Variants in POLRMT observed in about 807,000 individuals in gnomAD.
POLRMT encodes RNA polymerase mitochondrial.
In POLRMT, 114 loss-of-function variants were observed where a neutral mutation model predicts 132.2. That is an observed-to-expected ratio of 0.86 (90% CI 0.74 to 1.01). The LOEUF is 1.01. Among genes scored for constraint, POLRMT ranks in the 50% least tolerant of loss-of-function variants. The probability of loss-of-function intolerance (pLI) is 0.00; values close to 1 mark genes in which losing one functional copy is unlikely to be tolerated. For missense variants in POLRMT, 2,003 were observed against 1,729.1 expected, an observed-to-expected ratio of 1.16 and a Z score of -2.81; for synonymous variants, 1,020 against 773.4, an observed-to-expected ratio of 1.32 and a Z score of -5.29.
Position 617,341 on chromosome 19 carries a change from CG to C in POLRMT, c.3644-19del. 6.2e-7 allele frequency: 1 copy of C among 1,612,714 alleles called. No homozygotes were observed. Among genetic ancestry groups the C allele is most frequent in the Non-Finnish European group, 8.5e-7 (1 of 1,179,836 alleles). The stretch of plus-strand genomic sequence containing the variant: ...GAAGGCCCCTGCGGAGGAAGCAGAG[CG>C]GACGGCGTGGGTGGCGGGAAAGCCC... On this transcript the variant is annotated intron_variant, in intron 20 of 20. Transcript: ENST00000588649.
chr19:626,940 T>C (rs937158191), intron 3 of POLRMT, among the ~76,000 whole-genome samples: 4 of 150,792 alleles, frequency 2.7e-5, no homozygotes, highest in African/African-American at 9.8e-5. Context: ...TATAATTTTT[T>C]TCTTGTATTC....
At chr19:620,224 G>T in intron 11 of POLRMT, 141 bp downstream of exon 11, 1 of 1,449,306 alleles carries the variant, frequency 6.9e-7, no homozygotes, top group South Asian at 1.4e-5. Flanking sequence ...TCCCGGGAGA[G>T]ACCAGGAGCC....
chr19:625,377 G>C (rs1600582036), intron 3 of POLRMT, 123 bp from the exon 4 acceptor site: 1 of 1,364,650 alleles, frequency 7.3e-7, no homozygotes, highest in African/African-American at 1.5e-5. Context: ...CCAGGCAGGA[G>C]TGGCCAGCTG....
At position 617,626 on chromosome 19, in the gene POLRMT, G is replaced by C. The variant is rs1163205935; in HGVS notation, c.3525C>G (p.His1175Gln). The C allele has an allele frequency of 6.2e-7, 1 of 1,612,356 alleles. No individual in the cohort carries two copies. The highest frequency in any genetic ancestry group is 8.5e-7 in the Non-Finnish European group (1 of 1,179,994). ...ACAGGTCCTGCAGGATGGGCTCGCT[G>C]TGCAAGCGGACAAACTGCTCCCGGC... is the stretch of plus-strand genomic sequence containing the variant. ...QVCREQFVRL[H>Q]SEPILQDLSR... The change falls in exon 19 of 21, where the codon CAC becomes CAG. Residue 1175 changes from histidine to glutamine, a missense_variant. Coordinates refer to ENST00000588649, the MANE Select transcript of POLRMT (RefSeq NM_005035.4).
In POLRMT at chr19:617,292, G is replaced by A. The variant is rs752138915; in HGVS notation, c.3675C>T (p.Ser1225=). 3 of 1,612,872 alleles carry A rather than the reference G, an allele frequency of 1.9e-6. No individual in the cohort carries two copies. Among genetic ancestry groups the A allele is most frequent in the Non-Finnish European group, 8.5e-7 (1 of 1,179,880 alleles). Residue 1225 remains serine (S), a synonymous_variant, in exon 21 of 21, where the codon TCC becomes TCT. Coordinates refer to ENST00000588649, the MANE Select transcript of POLRMT (RefSeq NM_005035.4). ...CGGGGTGTCAGCTGAAGAAGTAGGT[G>A]GAACGCTTCACCTGCTCCAGGTCGA... ...GAFDLEQVKR[S]TYFFS
intron 17 of POLRMT, 27 bp from the exon 18 acceptor site, chr19:617,876 G>A (rs1287291016): frequency 3.7e-6 from 6 of 1,609,528 alleles, no homozygotes; most frequent in African/African-American, 2.7e-5. Flanking sequence ...GACTCCTGAA[G>A]GGAGGGGAGC....
chr19:621,790 C>A lies in POLRMT; in HGVS notation c.1908G>T (p.Glu636Asp), dbSNP rs1056763. The A allele has an allele frequency of 3.1e-6, 5 of 1,602,326 alleles. No individual in the cohort carries two copies. Among genetic ancestry groups the A allele is most frequent in the Non-Finnish European group, 4.2e-6 (5 of 1,179,846 alleles). The change falls in exon 10 of 21, where the codon GAG becomes GAT. Residue 636 changes from glutamate (E) to aspartate (D), a missense_variant. Glu to Asp is a conservative substitution (Grantham distance 45, BLOSUM62 2). Coordinates refer to ENST00000588649, the MANE Select transcript of POLRMT (RefSeq NM_005035.4). Reference protein sequence around the residue: ...AYVQLLEKAAEPTLTFEAVDV... With the variant: ...AYVQLLEKAADPTLTFEAVDV... ...CCACCGCCTCGAAGGTCAGCGTGGG[C>A]TCCGCGGCCTTCTCCAGCAGCTGCA...
chr19:620,224 G>A (rs1031988842), intron 11 of POLRMT, 141 bp downstream of exon 11: 5 of 1,449,188 alleles, frequency 3.5e-6, no homozygotes, highest in South Asian at 1.4e-5. Flanking sequence ...TCCCGGGAGA[G>A]ACCAGGAGCC....
At position 623,364 on chromosome 19, in the gene POLRMT, G is replaced by A. The variant is rs1016973327; in HGVS notation, c.1290+90C>T. The stretch of plus-strand genomic sequence containing the variant: ...GCGACCCCGGCTCAGCCCCTGCGGC[G>A]GACACGGGACCCCGGCTCAGCCCGT... On this transcript the variant is annotated intron_variant, in intron 6 of 20. Transcript: ENST00000588649. 7.1e-6 allele frequency: 11 copies of A among 1,544,184 alleles called. No homozygotes were observed. The Admixed American group carries it at 7.5e-5, about 11-fold the overall frequency.
At chr19:629,405 AG>A in intron 3 of POLRMT, 134 bp downstream of exon 3, 2 of 972,274 alleles carry the variant, frequency 2.1e-6, no homozygotes, top group Non-Finnish European at 2.8e-6. Context: ...GTATTTGAAA[AG>A]CCTAAAAGAA....
At chr19:617,878 G>A (rs1568373370) in intron 17 of POLRMT, 29 bp from the exon 18 acceptor site, 2 of 1,608,474 alleles carry the variant, frequency 1.2e-6, no homozygotes, top group Non-Finnish European at 1.7e-6. Context: ...CTCCTGAAGG[G>A]AGGGGAGCTC....
chr19:617,827 C>G lies in POLRMT; in HGVS notation c.3445G>C (p.Val1149Leu). Reference protein sequence around the residue: ...CYRKGLTFVSVHDCYWTHAAD... With the variant: ...CYRKGLTFVSLHDCYWTHAAD... ...GCGTGAGTCCAGTAACAGTCGTGCA[C>G]AGAGACGAAGGTCAGGCCCTTCCTG... Residue 1149 changes from valine to leucine, a missense_variant, in exon 18 of 21, where the codon GTG (valine) becomes CTG (leucine). Physicochemically the swap from Val to Leu is conservative, Grantham distance 32 (BLOSUM62 1). Transcript: ENST00000588649. 1.2e-6 allele frequency: 2 copies of G among 1,613,316 alleles called. No individual in the cohort carries two copies. The highest frequency in any genetic ancestry group is 1.7e-6 in the Non-Finnish European group (2 of 1,179,926).
At chr19:625,087 C>G in intron 4 of POLRMT, 37 bp downstream of exon 4, 1 of 1,598,302 alleles carries the variant, frequency 6.3e-7, no homozygotes. Context: ...CTGGGAGGGA[C>G]ATGGTGGGGG....
chr19:625,255 C>G lies in POLRMT; in HGVS notation c.823-1G>C, dbSNP rs1454432961. 1 of 1,613,806 alleles carries G rather than the reference C, an allele frequency of 6.2e-7. No individual in the cohort carries two copies. On this transcript the variant is annotated splice_acceptor_variant, in intron 3 of 20. Coordinates refer to ENST00000588649, the MANE Select transcript of POLRMT (RefSeq NM_005035.4). LOFTEE classifies it high-confidence loss of function. ...CATATACCAGCTCCTTGAAGGCACCCTGGGAGACCAAGCCAGGGTGAGGGT... is the reference window on the plus strand; with the variant it reads ...CATATACCAGCTCCTTGAAGGCACCGTGGGAGACCAAGCCAGGGTGAGGGT...
chr19:631,674 T>G (rs759568055), intron 2 of POLRMT, among the ~76,000 whole-genome samples: 1 of 152,074 alleles, frequency 6.6e-6, no homozygotes, highest in African/African-American at 2.4e-5. Flanking sequence ...AAGACAAGCG[T>G]GATGTCCGCC....
chr19:620,103 G>A (rs549407369), intron 11 of POLRMT, 23 bp from the exon 12 acceptor site: 2 of 1,535,480 alleles, frequency 1.3e-6, no homozygotes, highest in East Asian at 2.4e-5. Context: ...CGGCAAACGG[G>A]AGATGGAAGC....
intron 1 of POLRMT, 188 bp from the exon 2 acceptor site, chr19:633,126 G>A: frequency 1.6e-6 from 1 of 610,502 alleles, no homozygotes; most frequent in Non-Finnish European, 2.7e-6. Flanking sequence ...GAACACGGGC[G>A]CGGAACCGCC....
rs1427299603 is a variant in POLRMT at position 618,838 on chromosome 19, G to C, written c.3268-78C>G. ...GTACATTGAGGTGGTGGTACACTGG[G>C]GTAGTGGCACGCTAGGATGGTGGCA... On this transcript the variant is annotated intron_variant, in intron 15 of 20. Transcript: ENST00000588649. The C allele has an allele frequency of 3.4e-6, 5 of 1,487,266 alleles. No individual in the cohort carries two copies. In the African/African-American group the frequency reaches 7.0e-5, roughly 21 times the overall value. 92.1% of individuals were successfully genotyped at this position (1,487,266 alleles called of 1,614,324 possible). A position where few individuals can be genotyped will look rare whatever the true frequency, so the allele number is the denominator to read the frequency against.
intron 2 of POLRMT, among the ~76,000 whole-genome samples, chr19:631,748 T>C (rs1264304725): frequency 6.6e-6 from 1 of 152,164 alleles, no homozygotes; most frequent in Admixed American, 6.5e-5. Context: ...TTGTTTTGTT[T>C]TGTTTTGTTT....
Sources: allele counts gnomAD v4.1 joint callset (sites outside exome capture counted in the v4.1 genomes callset), GRCh38; gene constraint gnomAD v4.1.1; transcripts MANE v1.5; gene names NCBI Gene and HGNC (gene_info 2026-07-23, HGNC 2026-07-21).